Variants in SLC41A3 observed in about 807,000 individuals in gnomAD.
SLC41A3 encodes the protein SLC41A1-like 2.
SLC41A3 carries 44 observed loss-of-function variants against 45.4 expected under a neutral mutation model. That is an observed-to-expected ratio of 0.97 (90% CI 0.76 to 1.25). The LOEUF is 1.25. Ranked by LOEUF, SLC41A3 falls within the 50% of genes most tolerant of loss-of-function variation. SLC41A3 has a pLI of 0.00. For missense variants in SLC41A3, 550 were observed against 600.6 expected (o/e 0.92, Z 0.88); for synonymous variants, 256 against 252.4 (o/e 1.01, Z -0.13).
Position 126,033,656 on chromosome 3 carries a change from T to C in SLC41A3, c.404A>G (p.Asp135Gly), listed in dbSNP as rs781264530. 2.5e-6 allele frequency: 4 copies of C among 1,612,666 alleles called. No homozygotes were observed. The highest frequency in any genetic ancestry group is 3.4e-6 in the Non-Finnish European group (4 of 1,179,776). ...GATGACTCTGTGCTGCTCCTGGGGG[T>C]CATCAATTTGTCCAGTGTTGGCCTA... ...STAANTGQIDDPQEQHRVISS... is the reference protein window; with the variant it reads ...STAANTGQIDGPQEQHRVISS... Residue 135 changes from aspartate to glycine, a missense_variant, in exon 4 of 11, where the codon GAC (aspartate) becomes GGC (glycine). Coordinates refer to ENST00000360370, the MANE Select transcript of SLC41A3 (RefSeq NM_017836.4).
At chr3:126,065,409 T>G (rs4679205) in intron 2 of SLC41A3, among the ~76,000 whole-genome samples, 99,522 of 152,178 alleles carry the variant, frequency 0.65, 32,803 homozygotes, top group Middle Eastern at 0.72. Flanking sequence ...TATAAGCACT[T>G]TAATGAAAAG....
At chr3:126,034,960 T>G (rs1313215716) in intron 3 of SLC41A3, among the ~76,000 whole-genome samples, 2 of 152,260 alleles carry the variant, frequency 1.3e-5, no homozygotes, top group African/African-American at 4.8e-5. Flanking sequence ...GCTGTGCATG[T>G]GAGCCTGAGT....
At position 126,068,024 on chromosome 3, in the gene SLC41A3, C is replaced by T. The variant is rs1460742424; in HGVS notation, c.196G>A (p.Gly66Ser). The T allele has an allele frequency of 6.2e-7, 1 of 1,614,018 alleles. No homozygotes were observed. The highest frequency in any genetic ancestry group is 2.2e-5 in the East Asian group (1 of 44,862). Reference protein sequence around the residue: ...EPSRETTWSIGLQVTVPFMFA... With the variant: ...EPSRETTWSISLQVTVPFMFA... ...ATGAAGGGCACGGTCACCTGAAGGC[C>T]TATGGACCAGGTGGTCTCCCTGCTA... Residue 66 changes from glycine (G) to serine (S), a missense_variant, in exon 2 of 11, where the codon GGC (glycine) becomes AGC (serine). Transcript: ENST00000360370.
At chr3:126,073,236 T>C (rs1449403048) in intron 1 of SLC41A3, 2 of 151,970 alleles carry the variant, frequency 1.3e-5, no homozygotes, top group East Asian at 1.9e-4. Flanking sequence ...AGCTCAGGAG[T>C]TGAAGACCAG....
chr3:126,038,113 C>T (rs1942334962), intron 3 of SLC41A3, among the ~76,000 whole-genome samples: 1 of 152,234 alleles, frequency 6.6e-6, no homozygotes, highest in Non-Finnish European at 1.5e-5. Context: ...TGGCTGCTTC[C>T]ACCTAGATTT....
chr3:126,040,602 T>C (rs6438959), intron 3 of SLC41A3, among the ~76,000 whole-genome samples: 103,822 of 151,866 alleles, frequency 0.68, 36,986 homozygotes, highest in African/African-American at 0.9. Context: ...AAGAATGAGA[T>C]GTGGCCACCT....
chr3:126,046,709 C>T (rs149911172), intron 3 of SLC41A3, among the ~76,000 whole-genome samples: 2 of 152,210 alleles, frequency 1.3e-5, no homozygotes, highest in Middle Eastern at 3.4e-3. Context: ...TGCCTGTAAT[C>T]CCAGCACTTT....
At position 126,016,869 on chromosome 3, in the gene SLC41A3, C is replaced by G. The variant is rs759960255; in HGVS notation, c.752G>C (p.Arg251Pro). 1 of 1,611,922 alleles carries G rather than the reference C, an allele frequency of 6.2e-7. No individual in the cohort carries two copies. Among genetic ancestry groups the G allele is most frequent in the Admixed American group, 1.7e-5 (1 of 59,916 alleles). ...SSFFYRHKDS[R>P]YLTPLVCLSF... ...GAGGCAGACCAGCGGCGTCAGATAC[C>G]GACTATCTGAAAGGAGAACAGGGAC... Residue 251 changes from arginine to proline, a missense_variant, in exon 7 of 11, where the codon CGG (arginine) becomes CCG (proline). By Grantham distance (103) the Arg-to-Pro change is moderately radical. Transcript: ENST00000360370.
intron 6 of SLC41A3, among the ~76,000 whole-genome samples, chr3:126,017,708 CAG>C (rs1443273741): frequency 1.3e-5 from 2 of 152,204 alleles, no homozygotes; most frequent in Admixed American, 1.3e-4. Context: ...GCCCAACACT[CAG>C]GGGTACCCAG....
intron 1 of SLC41A3, among the ~76,000 whole-genome samples, chr3:126,096,393 C>CA (rs576149517): frequency 5.0e-4 from 76 of 150,948 alleles, no homozygotes; most frequent in Admixed American, 4.0e-4. Flanking sequence ...CCCCCCACCC[C>CA]AAAAAAAAAC....
At chr3:126,101,486 C>G (rs952939041) in exon 1 of SLC41A3, 5 of 152,270 alleles carry the variant, frequency 3.3e-5, no homozygotes, top group Admixed American at 6.5e-5. Flanking sequence ...TGGGTCCAGT[C>G]TCGCCCATCT....
chr3:126,062,386 G>A (rs1466760827), intron 2 of SLC41A3, among the ~76,000 whole-genome samples: 1 of 152,146 alleles, frequency 6.6e-6, no homozygotes, highest in Non-Finnish European at 1.5e-5. Context: ...CCTCTAAAGG[G>A]ACACTAGATA....
intron 6 of SLC41A3, among the ~76,000 whole-genome samples, chr3:126,018,662 C>T (rs1050331498): frequency 3.3e-5 from 5 of 152,226 alleles, no homozygotes; most frequent in African/African-American, 4.8e-5. Flanking sequence ...TGAGGCTCTT[C>T]CCTTTGTCTG....
chr3:126,066,599 G>A (rs1013456814), intron 2 of SLC41A3, among the ~76,000 whole-genome samples: 7 of 152,200 alleles, frequency 4.6e-5, no homozygotes, highest in African/African-American at 9.6e-5. Context: ...TGGTACTGGA[G>A]GAAGTACAAC....
chr3:126,077,647 T>A (rs868609393), intron 1 of SLC41A3, among the ~76,000 whole-genome samples: 29 of 152,220 alleles, frequency 1.9e-4, no homozygotes, highest in African/African-American at 6.5e-4. Flanking sequence ...AGGTAAGGAA[T>A]GAGGTGGTAG....
intron 1 of SLC41A3, among the ~76,000 whole-genome samples, chr3:126,076,070 A>G (rs1944867213): frequency 6.6e-6 from 1 of 152,234 alleles, no homozygotes; most frequent in African/African-American, 2.4e-5. Context: ...GTATTTGCCA[A>G]TCATTATATC....
chr3:126,095,068 C>T (rs1385100866), intron 1 of SLC41A3: 4 of 493,422 alleles, frequency 8.1e-6, no homozygotes, highest in Middle Eastern at 5.1e-4. Flanking sequence ...ATAGCATCTA[C>T]AGAAACCAGC....
intron 4 of SLC41A3, among the ~76,000 whole-genome samples, chr3:126,029,769 G>A (rs1166998807): frequency 6.6e-6 from 1 of 152,076 alleles, no homozygotes; most frequent in Non-Finnish European, 1.5e-5. Flanking sequence ...AGGGAGTTGT[G>A]GCATACTCAT....
intron 2 of SLC41A3, among the ~76,000 whole-genome samples, chr3:126,066,254 G>A (rs564160720): frequency 8.5e-5 from 13 of 152,312 alleles, no homozygotes; most frequent in Non-Finnish European, 1.6e-4. Flanking sequence ...ACTGAGGCTC[G>A]CAGTCCAGTA....
Sources: gnomAD v4.1 joint callset for allele counts (sites outside exome capture counted in the v4.1 genomes callset) on GRCh38, gnomAD v4.1.1 for gene constraint, MANE v1.5 for transcripts, NCBI Gene and HGNC (gene_info 2026-07-23, HGNC 2026-07-21) for gene names.